FANCC: variants seen among roughly 807,000 people sequenced by gnomAD.
FANCC encodes the protein Fanconi anemia group C protein.
A neutral mutation model predicts 71.3 loss-of-function variants in FANCC; 55 were observed. That is an observed-to-expected ratio of 0.77 (90% CI 0.62 to 0.97). FANCC has a LOEUF of 0.97. FANCC is among the 50% of genes least tolerant of loss of function. The probability of loss-of-function intolerance (pLI) is 0.00; values close to 1 mark genes in which losing one functional copy is unlikely to be tolerated. For missense variants in FANCC, 678 were observed against 670.9 expected (o/e 1.01, Z -0.12); for synonymous variants, 275 against 244.9 (o/e 1.12, Z -1.15).
At chr9:95,153,297 T>C (rs1282072294) in intron 6 of FANCC, among the ~76,000 whole-genome samples, 1 of 152,250 alleles carries the variant, frequency 6.6e-6, no homozygotes, top group Non-Finnish European at 1.5e-5. Flanking sequence ...TTAACTGTGA[T>C]GCTATAAAAA....
intron 7 of FANCC, among the ~76,000 whole-genome samples, chr9:95,140,000 T>C (rs890387745): frequency 6.6e-6 from 1 of 151,964 alleles, no homozygotes; most frequent in Non-Finnish European, 1.5e-5. Context: ...TTCTCTATAA[T>C]GGTTCCATCC....
chr9:95,259,315 A>G (rs570239552), intron 1 of FANCC, among the ~76,000 whole-genome samples: 2 of 152,310 alleles, frequency 1.3e-5, no homozygotes, highest in Non-Finnish European at 2.9e-5. Context: ...ACAGGAACCA[A>G]AACAGCATGG....
chr9:95,133,527 C>T (rs1485951725), intron 8 of FANCC, among the ~76,000 whole-genome samples: 2 of 152,190 alleles, frequency 1.3e-5, no homozygotes, highest in Non-Finnish European at 2.9e-5. Flanking sequence ...TGCAATGGGA[C>T]GGCCTGCGTT....
intron 6 of FANCC, among the ~76,000 whole-genome samples, chr9:95,163,480 A>C (rs1045154358): frequency 1.3e-5 from 2 of 152,254 alleles, no homozygotes; most frequent in South Asian, 2.1e-4. Flanking sequence ...ATAAAAGAAA[A>C]ACCAAACGCC....
chr9:95,176,224 A>T (rs1368106261), intron 4 of FANCC, among the ~76,000 whole-genome samples: 1 of 152,218 alleles, frequency 6.6e-6, no homozygotes, highest in African/African-American at 2.4e-5. Flanking sequence ...AAACCTTATA[A>T]TGAACCTCCC....
intron 1 of FANCC, among the ~76,000 whole-genome samples, chr9:95,276,928 T>C (rs1428234928): frequency 6.6e-6 from 1 of 152,244 alleles, no homozygotes; most frequent in East Asian, 1.9e-4. Context: ...CAAGCTCTAG[T>C]ACATTGAATT....
intron 4 of FANCC, among the ~76,000 whole-genome samples, chr9:95,178,617 C>T (rs1826158623): frequency 6.6e-6 from 1 of 152,236 alleles, no homozygotes; most frequent in African/African-American, 2.4e-5. Flanking sequence ...CAGGAAGAGA[C>T]GCAGGATCCA....
rs1834472719 is a variant in FANCC, at chr9:95,297,777, G to C, written c.-79+19749C>G. On this transcript the variant is annotated intron_variant, in intron 1 of 14. Transcript: ENST00000289081. The stretch of plus-strand genomic sequence containing the variant: ...AAGAGGGGCACACAGATCTGAGTGT[G>C]GTTTACTAATGGACAAAATGTCACA... Among the ~76,000 whole-genome samples the C allele has an allele frequency of 2.0e-5, 3 of 152,146 alleles. No homozygotes were observed. The South Asian group carries it at 6.2e-4, about 32-fold the overall frequency.
intron 1 of FANCC, among the ~76,000 whole-genome samples, chr9:95,300,527 T>C (rs867099502): frequency 5.3e-4 from 80 of 151,884 alleles, no homozygotes; most frequent in African/African-American, 1.8e-3. Flanking sequence ...CTCGGCTCAA[T>C]GCAGCCTCCG....
rs1057519366 is a variant in FANCC at position 95,150,013 on chromosome 9, A to AG, written c.595dup (p.Leu199ProfsTer12). Reference sequence around the variant, plus strand: ...ATGACAGATGAGGAGAGCCTCCACCAGGGGGTCAACATCTGTCAGGGTAAT... The same window carrying AG: ...ATGACAGATGAGGAGAGCCTCCACCAGGGGGGTCAACATCTGTCAGGGTAAT... On this transcript the variant is annotated frameshift_variant, in exon 7 of 15. Coordinates refer to ENST00000289081, the MANE Select transcript of FANCC (RefSeq NM_000136.3). LOFTEE classifies it high-confidence loss of function. 6.2e-7 allele frequency: 1 copy of AG among 1,614,120 alleles called. No homozygotes were observed. The highest frequency in any genetic ancestry group is 8.5e-7 in the Non-Finnish European group (1 of 1,180,016).
chr9:95,229,844 C>T (rs1176464724), intron 4 of FANCC, among the ~76,000 whole-genome samples: 4 of 151,774 alleles, frequency 2.6e-5, no homozygotes. Flanking sequence ...GATCTTGTAA[C>T]AGATCAGTTC....
At chr9:95,114,431 C>T in intron 12 of FANCC, 198 bp downstream of exon 12, 1 of 670,776 alleles carries the variant, frequency 1.5e-6, no homozygotes, top group African/African-American at 1.8e-5. Flanking sequence ...CATGCGCATG[C>T]CTATTCATCC....
chr9:95,174,752 T>C (rs1201351666), intron 4 of FANCC, among the ~76,000 whole-genome samples: 1 of 152,212 alleles, frequency 6.6e-6, no homozygotes, highest in African/African-American at 2.4e-5. Context: ...TGTAACTTCA[T>C]ACACAAATAC....
chr9:95,125,350 T>C (rs1825815649), intron 9 of FANCC, among the ~76,000 whole-genome samples, 165 bp from the exon 10 acceptor site: 1 of 152,238 alleles, frequency 6.6e-6, no homozygotes, highest in Non-Finnish European at 1.5e-5. Context: ...AGGATAAATT[T>C]GTCGCTCCCT....
In FANCC at chr9:95,246,735, A is replaced by T. The variant is rs4647421; in HGVS notation, c.250+697T>A. ...CCTCAGGCCAGTAAGGCTATTTCAA[A>T]GGAGAATGAGTGTGAAAGGAATCCT... On this transcript the variant is annotated intron_variant, in intron 3 of 14. Coordinates refer to ENST00000289081, the MANE Select transcript of FANCC (RefSeq NM_000136.3). 1.8e-3 allele frequency among the ~76,000 whole-genome samples: 270 copies of T among 152,216 alleles called. 1 individual carries two copies. Among genetic ancestry groups the T allele is most frequent in the Non-Finnish European group, 2.7e-3 (182 of 68,004 alleles).
At chr9:95,278,539 T>C (rs1297250043) in intron 1 of FANCC, among the ~76,000 whole-genome samples, 1 of 152,168 alleles carries the variant, frequency 6.6e-6, no homozygotes, top group Non-Finnish European at 1.5e-5. Flanking sequence ...TATGCTTTTC[T>C]CACAATGCTG....
intron 1 of FANCC, among the ~76,000 whole-genome samples, chr9:95,271,927 CTTTTTTTT>C (rs869093626): frequency 5.9e-4 from 30 of 50,508 alleles, no homozygotes; most frequent in East Asian, 5.9e-3. Flanking sequence ...CAAGCCTCTT[CTTTTTTTT>C]TTTTTTTTTT....
At chr9:95,239,409 T>C (rs756181814) in intron 4 of FANCC, among the ~76,000 whole-genome samples, 7 of 152,220 alleles carry the variant, frequency 4.6e-5, no homozygotes, top group African/African-American at 1.2e-4. Context: ...AACAGGCTAA[T>C]AAAGTCATGA....
intron 7 of FANCC, among the ~76,000 whole-genome samples, chr9:95,149,268 C>T (rs914405834): frequency 6.6e-6 from 1 of 151,734 alleles, no homozygotes; most frequent in Non-Finnish European, 1.5e-5. Context: ...AAGAAGGAAA[C>T]AATAGTCGCT....
Sources: allele counts gnomAD v4.1 joint callset (sites outside exome capture counted in the v4.1 genomes callset), GRCh38; gene constraint gnomAD v4.1.1; transcripts MANE v1.5; gene names NCBI Gene and HGNC (gene_info 2026-07-23, HGNC 2026-07-21).